The following SLC13A3 variants were observed in gnomAD, a reference collection of about 807,000 sequenced individuals.
SLC13A3 encodes Na(+)/dicarboxylate cotransporter 3.
Under a neutral mutation model 59.0 loss-of-function variants are expected in SLC13A3, and 40 were observed. The ratio of observed to expected loss-of-function variants is 0.68; its 90% CI spans 0.53 to 0.88. The LOEUF is 0.88. Among genes scored for constraint, SLC13A3 ranks in the 40% least tolerant of loss-of-function variants. SLC13A3 has a pLI of 0.00. For synonymous variants in SLC13A3, 317 were observed against 330.3 expected (o/e 0.96, Z 0.44); for missense variants, 699 against 783.2 (o/e 0.89, Z 1.28).
At position 46,560,103 on chromosome 20, in the gene SLC13A3, G is replaced by T. The variant is rs1601111794; in HGVS notation, c.1728C>A (p.Phe576Leu). 6.2e-7 allele frequency: 1 copy of T among 1,614,036 alleles called. No homozygotes were observed. Among genetic ancestry groups the T allele is most frequent in the African/African-American group, 1.3e-5 (1 of 74,904 alleles). ...WAQTIFQLGT[F>L]PDWADMYSVN... ...CCGAGTACATATCAGCCCAGTCCGG[G>T]AAGGTGCCCAGCTGGAAGATGGTCT... Residue 576 changes from phenylalanine to leucine, a missense_variant, in exon 13 of 13, where the codon TTC (phenylalanine) becomes TTA (leucine). Transcript: ENST00000279027.
intron 10 of SLC13A3, among the ~76,000 whole-genome samples, chr20:46,574,427 T>C (rs1036259420): frequency 2.0e-5 from 3 of 152,218 alleles, no homozygotes; most frequent in Non-Finnish European, 4.4e-5. Flanking sequence ...AGATGCTGGA[T>C]GCTGACGTTG....
At chr20:46,617,603 T>TGTGTGTGTGC (rs1555880346) in intron 1 of SLC13A3, among the ~76,000 whole-genome samples, 157 of 54,770 alleles carry the variant, frequency 2.9e-3, no homozygotes, top group African/African-American at 0.014. Context: ...TGTGTGTGTG[T>TGTGTGTGTGC]GTGTGCGTGT....
chr20:46,634,237 G>A (rs2062773396), intron 1 of SLC13A3, among the ~76,000 whole-genome samples: 1 of 152,172 alleles, frequency 6.6e-6, no homozygotes, highest in African/African-American at 2.4e-5. Flanking sequence ...ATCCTCTCTG[G>A]GGGGCTAATT....
intron 1 of SLC13A3, among the ~76,000 whole-genome samples, chr20:46,628,949 A>G (rs1249440713): frequency 6.6e-6 from 1 of 152,232 alleles, no homozygotes; most frequent in East Asian, 1.9e-4. Context: ...CACTGAACAC[A>G]CTGAGCCTAA....
At chr20:46,682,549 C>T (rs2063158606) in intron 1 of SLC13A3, among the ~76,000 whole-genome samples, 1 of 152,018 alleles carries the variant, frequency 6.6e-6, no homozygotes, top group South Asian at 2.1e-4. Flanking sequence ...ATCTCGGTGT[C>T]ATATCACATT....
chr20:46,586,544 T>C (rs2062194267), intron 8 of SLC13A3, among the ~76,000 whole-genome samples: 1 of 152,226 alleles, frequency 6.6e-6, no homozygotes, highest in Admixed American at 6.5e-5. Context: ...ACATCTCCTC[T>C]AAGCTCCAGT....
chr20:46,651,551 G>T, upstream of SLC13A3: 1 of 1,316,652 alleles, frequency 7.6e-7, no homozygotes, highest in Non-Finnish European at 9.6e-7. Flanking sequence ...GCTCCTCCTG[G>T]AGGAAAAGGG....
chr20:46,613,768 G>T (rs1395012475), intron 1 of SLC13A3, 43 bp from the exon 2 acceptor site: 14 of 1,538,752 alleles, frequency 9.1e-6, no homozygotes, highest in Non-Finnish European at 1.2e-5. Context: ...CGGGGCTCGG[G>T]GCAGAAGGGG....
chr20:46,676,346 G>T (rs886794575), intron 1 of SLC13A3, among the ~76,000 whole-genome samples: 8 of 148,090 alleles, frequency 5.4e-5, no homozygotes, highest in African/African-American at 1.5e-4. Flanking sequence ...TCCATCCCCC[G>T]AGAAGTCCCC....
At chr20:46,679,779 G>A (rs1458435469) in intron 1 of SLC13A3, among the ~76,000 whole-genome samples, 1 of 152,112 alleles carries the variant, frequency 6.6e-6, no homozygotes, top group African/African-American at 2.4e-5. Context: ...GTGGTGGTGG[G>A]CACCTGTGAT....
At chr20:46,643,561 G>A (rs1224526529) in intron 1 of SLC13A3, among the ~76,000 whole-genome samples, 1 of 152,128 alleles carries the variant, frequency 6.6e-6, no homozygotes, top group Non-Finnish European at 1.5e-5. Context: ...GAGTGGGGTT[G>A]GAAGATGGAT....
intron 3 of SLC13A3, among the ~76,000 whole-genome samples, chr20:46,610,188 T>C (rs971869105): frequency 8.5e-5 from 13 of 152,144 alleles, no homozygotes; most frequent in Non-Finnish European, 1.6e-4. Context: ...GTTTTGAGAG[T>C]TAAGGAAGAT....
At chr20:46,564,565 CG>C (rs2061963427) in intron 11 of SLC13A3, among the ~76,000 whole-genome samples, 5 of 152,170 alleles carry the variant, frequency 3.3e-5, no homozygotes, top group Admixed American at 3.3e-4. Flanking sequence ...GCTCCGTCTC[CG>C]TCCCCATACC....
chr20:46,589,088 G>A, intron 7 of SLC13A3, 72 bp downstream of exon 7: 1 of 1,383,346 alleles, frequency 7.2e-7, no homozygotes, highest in African/African-American at 1.4e-5. Flanking sequence ...TGGGCCCAAG[G>A]CCAGGCCAGG....
intron 9 of SLC13A3, among the ~76,000 whole-genome samples, chr20:46,581,881 A>T (rs1428587999): frequency 6.6e-6 from 1 of 152,218 alleles, no homozygotes; most frequent in African/African-American, 2.4e-5. Flanking sequence ...CTGACTGGAA[A>T]AGAAGCAGAG....
At chr20:46,571,075 C>T (rs762720258) in intron 10 of SLC13A3, among the ~76,000 whole-genome samples, 2 of 152,090 alleles carry the variant, frequency 1.3e-5, no homozygotes, top group Non-Finnish European at 2.9e-5. Flanking sequence ...CAAGAAGTGC[C>T]GAGCAGAAGG....
intron 10 of SLC13A3, among the ~76,000 whole-genome samples, chr20:46,571,181 C>T (rs1164895432): frequency 1.3e-5 from 2 of 152,192 alleles, no homozygotes; most frequent in African/African-American, 4.8e-5. Context: ...GATTAAATTA[C>T]TTCCCACCAG....
At chr20:46,581,433 A>G (rs35041268) in intron 9 of SLC13A3, among the ~76,000 whole-genome samples, 23,788 of 152,292 alleles carry the variant, frequency 0.16, 2,402 homozygotes, top group Non-Finnish European at 0.21. Context: ...AATGGGAAAC[A>G]GAGACCCACT....
intron 9 of SLC13A3, among the ~76,000 whole-genome samples, chr20:46,581,376 CAAG>C (rs1243673058): frequency 2.0e-5 from 3 of 152,156 alleles, no homozygotes; most frequent in Non-Finnish European, 4.4e-5. Flanking sequence ...GAGATCTGCC[CAAG>C]AAGAACAAGC....
Sources: allele counts gnomAD v4.1 joint callset (sites outside exome capture counted in the v4.1 genomes callset), GRCh38; gene constraint gnomAD v4.1.1; transcripts MANE v1.5; gene names NCBI Gene and HGNC (gene_info 2026-07-23, HGNC 2026-07-21).